Variants in PSD3 observed in about 807,000 individuals in gnomAD.
PSD3 encodes PH and SEC7 domain-containing protein 3.
Under a neutral mutation model 105.5 loss-of-function variants are expected in PSD3, and 49 were observed. That is an observed-to-expected ratio of 0.46 (90% CI 0.37 to 0.59). The LOEUF (loss-of-function observed/expected upper bound fraction) is 0.59. Ranked by LOEUF, PSD3 falls within the 20% of genes least tolerant of loss-of-function variation. The probability of loss-of-function intolerance (pLI) is 0.00; values close to 1 mark genes in which losing one functional copy is unlikely to be tolerated. For synonymous variants in PSD3, 557 were observed against 457.8 expected (o/e 1.22, Z -2.77); for missense variants, 1,561 against 1,263.8 (o/e 1.24, Z -3.57).
chr8:18,812,667 C>T (rs990042616), intron 4 of PSD3, among the ~76,000 whole-genome samples: 1 of 152,146 alleles, frequency 6.6e-6, no homozygotes, highest in African/African-American at 2.4e-5. Flanking sequence ...CCAAAGTTAA[C>T]ACAGGTTGTG....
At chr8:18,725,356 T>C (rs1803275278) in intron 9 of PSD3, among the ~76,000 whole-genome samples, 1 of 152,218 alleles carries the variant, frequency 6.6e-6, no homozygotes, top group Non-Finnish European at 1.5e-5. Flanking sequence ...GGATCAGATC[T>C]TCAAAGAACT....
At chr8:18,714,293 C>T (rs1802439938) in intron 9 of PSD3, among the ~76,000 whole-genome samples, 1 of 152,056 alleles carries the variant, frequency 6.6e-6, no homozygotes, top group African/African-American at 2.4e-5. Flanking sequence ...TCTAATTAAA[C>T]TAAAGAGCTT....
intron 4 of PSD3, among the ~76,000 whole-genome samples, chr8:18,807,045 C>G (rs1282264254): frequency 6.6e-6 from 1 of 152,164 alleles, no homozygotes; most frequent in Non-Finnish European, 1.5e-5. Flanking sequence ...TCAATTATCT[C>G]AATGGTGTTA....
At chr8:18,633,986 G>C (rs193237526) in intron 10 of PSD3, among the ~76,000 whole-genome samples, 77 of 152,134 alleles carry the variant, frequency 5.1e-4, no homozygotes, top group Non-Finnish European at 2.1e-4. Context: ...GTATCTCATT[G>C]TGGTTTTGAT....
intron 9 of PSD3, among the ~76,000 whole-genome samples, chr8:18,685,739 T>C (rs561984902): frequency 6.6e-6 from 1 of 152,312 alleles, no homozygotes; most frequent in East Asian, 1.9e-4. Flanking sequence ...TCATTTGGAA[T>C]AGACTTAGTT....
chr8:18,754,255 A>T (rs981756852), intron 9 of PSD3, among the ~76,000 whole-genome samples: 2 of 152,012 alleles, frequency 1.3e-5, no homozygotes, highest in Non-Finnish European at 2.9e-5. Flanking sequence ...GTGGTGGCGG[A>T]TGCCTGTAAT....
chr8:18,984,088 T>A (rs921324191), intron 1 of PSD3, among the ~76,000 whole-genome samples: 1 of 149,160 alleles, frequency 6.7e-6, no homozygotes, highest in Non-Finnish European at 1.5e-5. Context: ...GTTTAAAATA[T>A]CGCAAGAATT....
At chr8:18,976,004 C>A (rs1227543706) in intron 1 of PSD3, among the ~76,000 whole-genome samples, 1 of 152,116 alleles carries the variant, frequency 6.6e-6, no homozygotes, top group East Asian at 1.9e-4. Context: ...ACCATTTACA[C>A]TTCTAAGAAA....
At chr8:18,763,126 T>C in intron 9 of PSD3, 1 of 450,442 alleles carries the variant, frequency 2.2e-6, no homozygotes, top group Non-Finnish European at 4.5e-6. Flanking sequence ...GCCAAAGAAA[T>C]CTGAACAGAC....
At chr8:19,048,794 T>C (rs1828416344) in intron 1 of PSD3, among the ~76,000 whole-genome samples, 1 of 152,206 alleles carries the variant, frequency 6.6e-6, no homozygotes, top group South Asian at 2.1e-4. Context: ...GCTCCTTAGG[T>C]TCTGTATTTG....
intron 3 of PSD3, among the ~76,000 whole-genome samples, chr8:18,870,247 A>C (rs1278785055): frequency 6.6e-6 from 1 of 152,182 alleles, no homozygotes; most frequent in Non-Finnish European, 1.5e-5. Context: ...CGTATAAACT[A>C]TAAAATGTGG....
intron 1 of PSD3, among the ~76,000 whole-genome samples, chr8:18,991,867 G>A (rs559627566): frequency 3.3e-5 from 5 of 152,136 alleles, no homozygotes; most frequent in East Asian, 1.9e-4. Context: ...TTTACAATGC[G>A]CCAGACATGG....
chr8:18,834,006 T>C (rs1813891204), intron 4 of PSD3, among the ~76,000 whole-genome samples: 1 of 151,876 alleles, frequency 6.6e-6, no homozygotes, highest in African/African-American at 2.4e-5. Flanking sequence ...AGGAATAAAC[T>C]TAAGAAAACT....
At chr8:19,068,499 T>C (rs1003452304) in intron 1 of PSD3, among the ~76,000 whole-genome samples, 2 of 152,100 alleles carry the variant, frequency 1.3e-5, no homozygotes, top group Admixed American at 6.6e-5. Flanking sequence ...CTATGTTGTC[T>C]AAGCTGGTCT....
chr8:18,745,515 G>C (rs1032749873), intron 9 of PSD3, among the ~76,000 whole-genome samples: 4 of 152,124 alleles, frequency 2.6e-5, no homozygotes, highest in African/African-American at 9.7e-5. Context: ...CTTCTTTTGA[G>C]CACTTACTTT....
chr8:18,633,553 C>T (rs1215844841), intron 10 of PSD3, among the ~76,000 whole-genome samples: 1 of 152,068 alleles, frequency 6.6e-6, no homozygotes, highest in East Asian at 1.9e-4. Flanking sequence ...GAATAATGGC[C>T]TTCAGCTGCA....
intron 2 of PSD3, among the ~76,000 whole-genome samples, chr8:18,916,110 A>G (rs1361353834): frequency 1.3e-5 from 2 of 151,806 alleles, no homozygotes; most frequent in Admixed American, 6.6e-5. Flanking sequence ...AAAAATAAAA[A>G]TAAAAGTAAA....
chr8:18,942,666 T>C (rs1056227585), intron 1 of PSD3, among the ~76,000 whole-genome samples: 3 of 152,160 alleles, frequency 2.0e-5, no homozygotes, highest in Non-Finnish European at 4.4e-5. Flanking sequence ...GAAAAGACCA[T>C]GTGAAGACAC....
intron 12 of PSD3, among the ~76,000 whole-genome samples, chr8:18,596,457 A>G (rs1804101782): frequency 6.6e-6 from 1 of 152,056 alleles, no homozygotes; most frequent in Non-Finnish European, 1.5e-5. Context: ...ATTAGAGCAG[A>G]AATAAATGAA....
Sources: allele counts gnomAD v4.1 joint callset (sites outside exome capture counted in the v4.1 genomes callset), GRCh38; gene constraint gnomAD v4.1.1; transcripts MANE v1.5; gene names NCBI Gene and HGNC (gene_info 2026-07-23, HGNC 2026-07-21).